CD2AP: variants seen among roughly 807,000 people sequenced by gnomAD.
CD2AP encodes the protein CD2-associated protein.
A neutral mutation model predicts 85.1 loss-of-function variants in CD2AP; 46 were observed. That is an observed-to-expected ratio of 0.54 (90% CI 0.43 to 0.69). The LOEUF (loss-of-function observed/expected upper bound fraction) is 0.69. CD2AP is among the 30% of genes least tolerant of loss of function. The probability of loss-of-function intolerance (pLI) is 0.00; values close to 1 mark genes in which losing one functional copy is unlikely to be tolerated. For missense variants in CD2AP, 769 were observed against 729.5 expected, an observed-to-expected ratio of 1.05 and a Z score of -0.62; for synonymous variants, 255 against 252.9, an observed-to-expected ratio of 1.01 and a Z score of -0.08.
chr6:47,493,296 CTT>C (rs1765779163), intron 1 of CD2AP, among the ~76,000 whole-genome samples: 1 of 147,942 alleles, frequency 6.8e-6, no homozygotes, highest in Non-Finnish European at 1.5e-5. Flanking sequence ...TTGAAAAAGT[CTT>C]TATTTCTCTT....
chr6:47,604,599 C>T (rs769745343), intron 13 of CD2AP, among the ~76,000 whole-genome samples: 4 of 151,904 alleles, frequency 2.6e-5, no homozygotes, highest in African/African-American at 7.2e-5. Context: ...GTTGTTAATG[C>T]ACACATCAGT....
intron 17 of CD2AP, among the ~76,000 whole-genome samples, chr6:47,621,461 A>T (rs1013808733): frequency 1.3e-5 from 2 of 152,096 alleles, no homozygotes; most frequent in African/African-American, 2.4e-5. Flanking sequence ...TTTGTTAAGG[A>T]TTTTAACATC....
chr6:47,524,972 T>A (rs1309329230), intron 2 of CD2AP, among the ~76,000 whole-genome samples: 1 of 152,174 alleles, frequency 6.6e-6, no homozygotes, highest in Non-Finnish European at 1.5e-5. Flanking sequence ...TGAACTTAAG[T>A]GCTTTAGTGA....
At chr6:47,513,588 G>A (rs915486418) in intron 2 of CD2AP, among the ~76,000 whole-genome samples, 1 of 151,936 alleles carries the variant, frequency 6.6e-6, no homozygotes. Context: ...TGCACATACA[G>A]TATTATAGGA....
chr6:47,599,528 G>T (rs1356055194), intron 13 of CD2AP, 85 bp downstream of exon 13: 1 of 1,224,020 alleles, frequency 8.2e-7, no homozygotes, highest in Non-Finnish European at 1.2e-6. Context: ...TGCAATTTGT[G>T]TGTGGATAAA....
chr6:47,560,115 T>C (rs1366848819), intron 5 of CD2AP, among the ~76,000 whole-genome samples: 1 of 152,042 alleles, frequency 6.6e-6, no homozygotes, highest in African/African-American at 2.4e-5. Flanking sequence ...TGGAGAAAAA[T>C]TATAAAAATA....
At chr6:47,538,226 T>A (rs1767105182) in intron 3 of CD2AP, among the ~76,000 whole-genome samples, 1 of 152,056 alleles carries the variant, frequency 6.6e-6, no homozygotes, top group Non-Finnish European at 1.5e-5. Flanking sequence ...AGAAATAAAT[T>A]GATTTTTATT....
At chr6:47,552,850 A>G (rs1185216418) in intron 4 of CD2AP, among the ~76,000 whole-genome samples, 1 of 152,084 alleles carries the variant, frequency 6.6e-6, no homozygotes, top group Non-Finnish European at 1.5e-5. Flanking sequence ...TTCTCCCCCA[A>G]ACAGCTTGTA....
intron 14 of CD2AP, among the ~76,000 whole-genome samples, chr6:47,607,521 A>C (rs969912065): frequency 2.6e-5 from 4 of 151,990 alleles, no homozygotes; most frequent in African/African-American, 9.7e-5. Context: ...AATAACTCGT[A>C]GTTTTGATTT....
At chr6:47,615,793 A>T (rs1376048636) in intron 17 of CD2AP, among the ~76,000 whole-genome samples, 1 of 11,914 alleles carries the variant, frequency 8.4e-5, no homozygotes, top group Non-Finnish European at 1.9e-4. Flanking sequence ...ATTTAATTTA[A>T]TTTATTTATT....
At position 47,478,222 on chromosome 6, in the gene CD2AP, T is replaced by C. The variant is rs1040062364; in HGVS notation, c.-23T>C. The C allele has an allele frequency of 2.6e-6, 4 of 1,567,434 alleles. No individual in the cohort carries two copies. Among genetic ancestry groups the C allele is most frequent in the Non-Finnish European group, 2.6e-6 (3 of 1,156,574 alleles). ...AGGAGGAGGAGGAGCGGACGTCGGC[T>C]TCTCCCCGCGGGAGCCCCCAGCATG... is the stretch of plus-strand genomic sequence containing the variant. On this transcript the variant is annotated 5_prime_UTR_variant, in exon 1 of 18. Coordinates refer to ENST00000359314, the MANE Select transcript of CD2AP (RefSeq NM_012120.3).
At chr6:47,564,170 C>T (rs540954979) in intron 5 of CD2AP, among the ~76,000 whole-genome samples, 1 of 152,218 alleles carries the variant, frequency 6.6e-6, no homozygotes, top group Admixed American at 6.5e-5. Flanking sequence ...ACCAAAAACA[C>T]GTGGCTTAAA....
intron 1 of CD2AP, among the ~76,000 whole-genome samples, chr6:47,482,165 A>T (rs1765462499): frequency 6.6e-6 from 1 of 152,238 alleles, no homozygotes; most frequent in South Asian, 2.1e-4. Context: ...ACAGAGCATG[A>T]AAAAACAATA....
intron 1 of CD2AP, among the ~76,000 whole-genome samples, chr6:47,491,259 ATGTGTGTGTGTATGTGTGTG>A (rs1334596923): frequency 4.1e-5 from 5 of 120,778 alleles, no homozygotes; most frequent in African/African-American, 1.3e-4. Flanking sequence ...TCTTCCTGAT[ATGTGTGTGTGTATGTGTGTG>A]TGTGTGTGTG....
chr6:47,601,699 CA>C (rs532682879), intron 13 of CD2AP, among the ~76,000 whole-genome samples: 295 of 151,840 alleles, frequency 1.9e-3, no homozygotes, highest in African/African-American at 6.9e-3. Flanking sequence ...GTTAATACTT[CA>C]AAAAAAGTAT....
chr6:47,506,903 A>G (rs972221271), intron 2 of CD2AP, among the ~76,000 whole-genome samples: 3 of 152,100 alleles, frequency 2.0e-5, no homozygotes, highest in African/African-American at 4.8e-5. Context: ...TGCTGCATCA[A>G]TTTGCTTATT....
chr6:47,580,488 C>T lies in CD2AP; in HGVS notation c.1009-376C>T, dbSNP rs1768445741. On this transcript the variant is annotated intron_variant, in intron 9 of 17. Coordinates refer to ENST00000359314, the MANE Select transcript of CD2AP (RefSeq NM_012120.3). The stretch of plus-strand genomic sequence containing the variant: ...AAACAAAAAAAAAAACGGTCTCTCC[C>T]TTGTTCTGCCAGTCTTCCTCTCCCC... Among the ~76,000 whole-genome samples the T allele has an allele frequency of 2.0e-5, 3 of 151,594 alleles. No individual in the cohort carries two copies. In the South Asian group the frequency reaches 6.2e-4, roughly 31 times the overall value.
chr6:47,600,246 T>G (rs903961360), intron 13 of CD2AP, among the ~76,000 whole-genome samples: 2 of 151,954 alleles, frequency 1.3e-5, no homozygotes, highest in African/African-American at 4.8e-5. Context: ...AAATAAGCAC[T>G]ATCACATAAA....
intron 17 of CD2AP, among the ~76,000 whole-genome samples, chr6:47,616,975 T>A (rs1769608915): frequency 6.6e-6 from 1 of 152,090 alleles, no homozygotes; most frequent in Admixed American, 6.6e-5. Flanking sequence ...ACTTTTTTAA[T>A]TTTGTTTTTA....
Sources: allele counts gnomAD v4.1 joint callset (sites outside exome capture counted in the v4.1 genomes callset), GRCh38; gene constraint gnomAD v4.1.1; transcripts MANE v1.5; gene names NCBI Gene and HGNC (gene_info 2026-07-23, HGNC 2026-07-21).